The following ALDH1A1 variants were observed in gnomAD, a reference collection of about 807,000 sequenced individuals.
ALDH1A1 encodes aldehyde dehydrogenase 1A1.
Under a neutral mutation model 62.1 loss-of-function variants are expected in ALDH1A1, and 19 were observed. The observed-to-expected ratio is 0.31, with a 90% confidence interval of 0.21 to 0.45. ALDH1A1 has a LOEUF of 0.45. ALDH1A1 is among the 20% of genes least tolerant of loss of function. The probability of loss-of-function intolerance (pLI) is 1.00; values close to 1 mark genes in which losing one functional copy is unlikely to be tolerated. For missense variants in ALDH1A1, 521 were observed against 607.1 expected (o/e 0.86, Z 1.49); for synonymous variants, 231 against 215.9 (o/e 1.07, Z -0.61).
At chr9:72,908,338 G>T (rs568506790) in intron 11 of ALDH1A1, among the ~76,000 whole-genome samples, 1 of 145,782 alleles carries the variant, frequency 6.9e-6, no homozygotes, top group Non-Finnish European at 1.5e-5. Context: ...GGGAGGCTGA[G>T]GCAGGAGAAT....
chr9:72,912,144 A>G, intron 9 of ALDH1A1, 22 bp from the exon 10 acceptor site: 1 of 1,596,158 alleles, frequency 6.3e-7, no homozygotes, highest in Non-Finnish European at 8.6e-7. Flanking sequence ...ATATCACATG[A>G]AAAGAAAAAA....
intron 7 of ALDH1A1, among the ~76,000 whole-genome samples, chr9:72,923,639 A>C (rs776361985): frequency 3.5e-4 from 54 of 152,188 alleles, no homozygotes; most frequent in Admixed American, 6.5e-5. Flanking sequence ...ATAAGGTGCA[A>C]AGGGTGAGAC....
At chr9:72,925,727 G>C in intron 5 of ALDH1A1, 115 bp from the exon 6 acceptor site, 4 of 1,201,408 alleles carry the variant, frequency 3.3e-6, no homozygotes, top group Non-Finnish European at 4.5e-6. Context: ...GTAGTTTTGT[G>C]AAATCATCTG....
At chr9:72,951,758 T>G (rs1052786580) in intron 1 of ALDH1A1, among the ~76,000 whole-genome samples, 1 of 151,894 alleles carries the variant, frequency 6.6e-6, no homozygotes, top group Non-Finnish European at 1.5e-5. Flanking sequence ...TAAAACTAAA[T>G]GGAAAAAATC....
At chr9:72,931,051 C>T (rs764561206) in intron 2 of ALDH1A1, 32 bp from the exon 3 acceptor site, 2 of 1,613,340 alleles carry the variant, frequency 1.2e-6, no homozygotes, top group South Asian at 2.2e-5. Context: ...ATTCAGTAAG[C>T]TAAACATATT....
At chr9:72,931,307 A>C (rs930946189) in intron 2 of ALDH1A1, among the ~76,000 whole-genome samples, 1 of 152,224 alleles carries the variant, frequency 6.6e-6, no homozygotes, top group Non-Finnish European at 1.5e-5. Flanking sequence ...GCCCTGTTTC[A>C]AGTAATGTTC....
chr9:72,909,629 G>A lies in ALDH1A1; in HGVS notation c.1331C>T (p.Ser444Phe). ...CACTGTTCCTGCCTGCAGAGCAGAG[G>A]AGATTGTTATGGCTTTATCAATGTC... The part of the protein sequence containing the change: ...TKDIDKAITI[S>F]SALQAGTVWV... The change falls in exon 11 of 13, where the codon TCC (serine) becomes TTC (phenylalanine). Residue 444 changes from serine to phenylalanine, a missense_variant. Transcript: ENST00000297785. 6.2e-7 allele frequency: 1 copy of A among 1,613,922 alleles called. No homozygotes were observed. The highest frequency in any genetic ancestry group is 8.5e-7 in the Non-Finnish European group (1 of 1,179,916).
chr9:72,942,242 A>AC, intron 1 of ALDH1A1: 4 of 934,486 alleles, frequency 4.3e-6, no homozygotes, highest in Non-Finnish European at 5.1e-6. Context: ...TTATGCCCTT[A>AC]CAGCTTAGTA....
intron 2 of ALDH1A1, among the ~76,000 whole-genome samples, chr9:72,935,491 A>G (rs1357662309): frequency 6.6e-6 from 1 of 152,228 alleles, no homozygotes; most frequent in Non-Finnish European, 1.5e-5. Context: ...AAATTCATTC[A>G]GAGATGGAGA....
intron 5 of ALDH1A1, among the ~76,000 whole-genome samples, chr9:72,926,294 A>G (rs1830207139): frequency 6.6e-6 from 1 of 152,222 alleles, no homozygotes; most frequent in Non-Finnish European, 1.5e-5. Flanking sequence ...AGTGTTCATA[A>G]TTATATAGTT....
chr9:72,952,732 A>C (rs1406219859), intron 1 of ALDH1A1, among the ~76,000 whole-genome samples: 1 of 152,034 alleles, frequency 6.6e-6, no homozygotes, highest in Non-Finnish European at 1.5e-5. Context: ...TATTTTAAGA[A>C]ATAAATTTAT....
At position 72,933,606 on chromosome 9, in the gene ALDH1A1, A is replaced by T. The variant is rs1053586209; in HGVS notation, c.172-2587T>A. Among the ~76,000 whole-genome samples the T allele has an allele frequency of 1.5e-3, 141 of 96,870 alleles. 3 individuals are homozygous for T. The highest frequency in any genetic ancestry group is 4.8e-3 in the African/African-American group (130 of 27,130). The allele number at this position is 96,870 out of a possible 152,430, so 63.6% of individuals were successfully genotyped here. A position where few individuals can be genotyped will look rare whatever the true frequency, so the allele number is the denominator to read the frequency against. ...TCATCTCAAAACAAAAAAAAAAAAAAAAAAAAAGAAAAAGCAAGACAAAAG... is the reference window on the plus strand; with the variant it reads ...TCATCTCAAAACAAAAAAAAAAAAATAAAAAAAGAAAAAGCAAGACAAAAG... On this transcript the variant is annotated intron_variant, in intron 2 of 12. Coordinates refer to ENST00000297785, the MANE Select transcript of ALDH1A1 (RefSeq NM_000689.5).
At chr9:72,934,354 A>C (rs749813224) in intron 2 of ALDH1A1, among the ~76,000 whole-genome samples, 1 of 152,078 alleles carries the variant, frequency 6.6e-6, no homozygotes, top group East Asian at 1.9e-4. Context: ...TCCTCAAACT[A>C]TCTTGGCTAC....
chr9:72,931,125 T>C (rs1423982575), intron 2 of ALDH1A1, 106 bp from the exon 3 acceptor site: 5 of 1,258,568 alleles, frequency 4.0e-6, no homozygotes, highest in Non-Finnish European at 5.6e-6. Context: ...AAGCAGGCAC[T>C]GTGTCTCCAT....
intron 3 of ALDH1A1, among the ~76,000 whole-genome samples, chr9:72,930,145 G>C (rs919794270): frequency 6.6e-6 from 1 of 152,010 alleles, no homozygotes; most frequent in Non-Finnish European, 1.5e-5. Context: ...CTTGGTATTT[G>C]TTTATGTTAA....
At chr9:72,923,125 C>T (rs1156308780) in intron 7 of ALDH1A1, among the ~76,000 whole-genome samples, 1 of 152,080 alleles carries the variant, frequency 6.6e-6, no homozygotes, top group Non-Finnish European at 1.5e-5. Flanking sequence ...TCCTCAAAAC[C>T]CAGAGCTAGT....
intron 11 of ALDH1A1, among the ~76,000 whole-genome samples, chr9:72,908,126 T>C (rs1829899561): frequency 6.6e-6 from 1 of 151,602 alleles, no homozygotes; most frequent in Admixed American, 6.6e-5. Flanking sequence ...CCTTAGAATA[T>C]TGTATAGGTC....
At chr9:72,930,425 C>A (rs977704685) in intron 3 of ALDH1A1, among the ~76,000 whole-genome samples, 5 of 152,002 alleles carry the variant, frequency 3.3e-5, no homozygotes, top group East Asian at 1.9e-4. Flanking sequence ...AATATCTTAG[C>A]GAGCTAGACT....
intron 8 of ALDH1A1, among the ~76,000 whole-genome samples, chr9:72,918,473 G>C (rs1830091851): frequency 6.6e-6 from 1 of 151,988 alleles, no homozygotes; most frequent in Non-Finnish European, 1.5e-5. Context: ...CATCATCTAG[G>C]GTTCAGCTGA....
Sources: allele counts gnomAD v4.1 joint callset (sites outside exome capture counted in the v4.1 genomes callset), GRCh38; gene constraint gnomAD v4.1.1; transcripts MANE v1.5; gene names NCBI Gene and HGNC (gene_info 2026-07-23, HGNC 2026-07-21).